NCOA6: variants seen among roughly 807,000 people sequenced by gnomAD.
The protein encoded by NCOA6 is nuclear receptor coactivator 6, also known as NRC RAP250.
Under a neutral mutation model 171.4 loss-of-function variants are expected in NCOA6, and 49 were observed. The ratio of observed to expected loss-of-function variants is 0.29; its 90% CI spans 0.23 to 0.36. The LOEUF (loss-of-function observed/expected upper bound fraction) is 0.36. NCOA6 is among the 10% of genes least tolerant of loss of function. The pLI is 1.00. For synonymous variants in NCOA6, 910 were observed against 927.5 expected (o/e 0.98, Z 0.34); for missense variants, 2,248 against 2,554.5 (o/e 0.88, Z 2.59).
chr20:34,776,157 A>T (rs2077314306), intron 4 of NCOA6, 136 bp downstream of exon 4: 1 of 1,160,148 alleles, frequency 8.6e-7, no homozygotes, highest in Non-Finnish European at 1.2e-6. Flanking sequence ...CTGCAAAGCA[A>T]AGTACAAGTT....
At position 34,782,255 on chromosome 20, in the gene NCOA6, T is replaced by C; in HGVS notation, c.101A>G (p.Asp34Gly). ...SEMDFDSGLEDDDTKSDSILE... is the reference protein window; with the variant it reads ...SEMDFDSGLEGDDTKSDSILE... Reference sequence around the variant, plus strand: ...AATACTATCACTTTTTGTGTCATCATCTTCTAGTCCAGAGTCAAAATCCAT... The same window carrying C: ...AATACTATCACTTTTTGTGTCATCACCTTCTAGTCCAGAGTCAAAATCCAT... Residue 34 changes from aspartate (D) to glycine (G), a missense_variant, in exon 3 of 15, where the codon GAT becomes GGT. Coordinates refer to ENST00000359003, the MANE Select transcript of NCOA6 (RefSeq NM_014071.5). 1.2e-6 allele frequency: 2 copies of C among 1,612,760 alleles called. No homozygotes were observed. The highest frequency in any genetic ancestry group is 8.5e-7 in the Non-Finnish European group (1 of 1,179,310).
At chr20:34,720,150 GA>G (rs1218922058) in intron 14 of NCOA6, among the ~76,000 whole-genome samples, 1 of 152,096 alleles carries the variant, frequency 6.6e-6, no homozygotes, top group African/African-American at 2.4e-5. Flanking sequence ...TTTCCCAGTT[GA>G]AAATATAACA....
intron 1 of NCOA6, among the ~76,000 whole-genome samples, chr20:34,797,519 G>A (rs2078115529): frequency 6.6e-6 from 1 of 152,044 alleles, no homozygotes; most frequent in Non-Finnish European, 1.5e-5. Context: ...GAGACATGCT[G>A]TCTTCAAGCA....
rs1202925874 is a variant in NCOA6 at position 34,818,670 on chromosome 20, T to C, written c.-164+6802A>G. On this transcript the variant is annotated intron_variant, in intron 1 of 14. Coordinates refer to ENST00000359003, the MANE Select transcript of NCOA6 (RefSeq NM_014071.5). ...TACTAACTATTCTTGGCAGCTTCGT[T>C]CACAGACCACCTCTTTCAGGTACCA... Among the ~76,000 whole-genome samples the C allele has an allele frequency of 3.3e-5, 5 of 152,276 alleles. 1 individual carries two copies. The highest frequency in any genetic ancestry group is 3.3e-4 in the Admixed American group (5 of 15,286).
intron 1 of NCOA6, among the ~76,000 whole-genome samples, chr20:34,803,818 T>A (rs989338427): frequency 6.7e-6 from 1 of 149,444 alleles, no homozygotes; most frequent in Non-Finnish European, 1.5e-5. Flanking sequence ...GCCAACATCA[T>A]GAAACCCCGT....
At chr20:34,797,160 T>C (rs1301913071) in intron 1 of NCOA6, among the ~76,000 whole-genome samples, 1 of 152,082 alleles carries the variant, frequency 6.6e-6, no homozygotes, top group Non-Finnish European at 1.5e-5. Context: ...CAAGGAGTAA[T>C]TGTGCCACCT....
intron 2 of NCOA6, among the ~76,000 whole-genome samples, chr20:34,784,606 C>A (rs1049855566): frequency 1.3e-5 from 2 of 151,982 alleles, no homozygotes; most frequent in Admixed American, 1.3e-4. Context: ...CACTGTGAGA[C>A]CTTGTCTCTA....
chr20:34,782,494 TTTAA>T, intron 2 of NCOA6, 90 bp from the exon 3 acceptor site: 1 of 341,396 alleles, frequency 2.9e-6, no homozygotes, highest in Non-Finnish European at 5.2e-6. Flanking sequence ...TTATAATTTA[TTTAA>T]TAAGAAAATA....
intron 2 of NCOA6, among the ~76,000 whole-genome samples, chr20:34,783,569 C>G (rs184014164): frequency 4.6e-5 from 7 of 152,266 alleles, no homozygotes; most frequent in African/African-American, 1.2e-4. Flanking sequence ...ACCTAAGAAC[C>G]TCCCACAAAT....
rs145751574 is a variant in NCOA6, at chr20:34,757,635, G to A, written c.1113C>T (p.His371=). The change falls in exon 7 of 15, where the codon CAC becomes CAT. Residue 371 remains histidine (H), a synonymous_variant. Coordinates refer to ENST00000359003, the MANE Select transcript of NCOA6 (RefSeq NM_014071.5). ...TGCCAAAGGGATATGGAGGGGGAGG[G>A]TGGGAAGGCGTCTGTACCGTGGCTA... The part of the protein sequence containing the change: ...PSLATVQTPS[H]PPPPYPFGSQ... 6.2e-7 allele frequency: 1 copy of A among 1,613,110 alleles called. No homozygotes were observed. Among genetic ancestry groups the A allele is most frequent in the Admixed American group, 1.7e-5 (1 of 60,006 alleles).
chr20:34,745,987 T>A (rs1337193776), intron 10 of NCOA6, among the ~76,000 whole-genome samples: 1 of 152,224 alleles, frequency 6.6e-6, no homozygotes, highest in Non-Finnish European at 1.5e-5. Context: ...ATTATTAACC[T>A]ATGTGGTAGA....
intron 1 of NCOA6, among the ~76,000 whole-genome samples, chr20:34,799,043 C>A (rs1294998375): frequency 1.3e-5 from 2 of 152,078 alleles, no homozygotes; most frequent in Non-Finnish European, 2.9e-5. Context: ...TGTGACCTTT[C>A]AGACAGAGAA....
chr20:34,765,378 TGAGCC>T lies in NCOA6; in HGVS notation c.514+3081_514+3085del, dbSNP rs2076948718. On this transcript the variant is annotated intron_variant, in intron 5 of 14. Coordinates refer to ENST00000359003, the MANE Select transcript of NCOA6 (RefSeq NM_014071.5). ...TGAACCTGGGAGGCAGAGCTTGCAG[TGAGCC>T]GAGCCGAGATCGTGCCACTGCATTC... 3.5e-5 allele frequency among the ~76,000 whole-genome samples: 5 copies of T among 143,328 alleles called. No individual in the cohort carries two copies. In the South Asian group the frequency reaches 1.1e-3, roughly 31 times the overall value. 94.0% of individuals were successfully genotyped at this position (143,328 alleles called of 152,430 possible). A position where few individuals can be genotyped will look rare whatever the true frequency, so the allele number is the denominator to read the frequency against.
intron 1 of NCOA6, among the ~76,000 whole-genome samples, chr20:34,792,786 T>TC (rs1326009836): frequency 6.8e-6 from 1 of 147,944 alleles, no homozygotes; most frequent in Non-Finnish European, 1.5e-5. Flanking sequence ...ATTTTTTTTT[T>TC]TTTTTTTTTT....
chr20:34,727,400 G>T lies in NCOA6; in HGVS notation c.6007C>A (p.Pro2003Thr). Residue 2003 changes from proline to threonine, a missense_variant, in exon 14 of 15, where the codon CCC becomes ACC. Around this residue, in one of 7 missense-constraint regions of NCOA6, gnomAD observed 884 missense variants for 941.9 expected, o/e 0.94. Coordinates refer to ENST00000359003, the MANE Select transcript of NCOA6 (RefSeq NM_014071.5). ...TTGGACTTTTCAACTATCTCTTTGG[G>T]CTCACTGCTGACAGAGGGAAGCAAA... ...AAIVSGQSSE[P>T]KEIVEKSKIP... 6.2e-7 allele frequency: 1 copy of T among 1,613,558 alleles called. No homozygotes were observed. The highest frequency in any genetic ancestry group is 8.5e-7 in the Non-Finnish European group (1 of 1,180,016).
intron 8 of NCOA6, among the ~76,000 whole-genome samples, chr20:34,751,971 C>T (rs2076502861): frequency 6.6e-6 from 1 of 152,268 alleles, no homozygotes; most frequent in African/African-American, 2.4e-5. Context: ...GATTTTCATG[C>T]CTCAGCCTCC....
intron 1 of NCOA6, among the ~76,000 whole-genome samples, chr20:34,804,313 G>T (rs955143688): frequency 6.6e-6 from 1 of 151,908 alleles, no homozygotes; most frequent in Non-Finnish European, 1.5e-5. Context: ...CTCCAGCCTG[G>T]GTGACAGAGG....
intron 14 of NCOA6, among the ~76,000 whole-genome samples, chr20:34,717,597 A>G (rs1400019566): frequency 2.0e-5 from 3 of 152,158 alleles, no homozygotes; most frequent in Non-Finnish European, 4.4e-5. Flanking sequence ...GCCATGTGGT[A>G]GAATCAGTCT....
Position 34,727,247 on chromosome 20 carries a change from C to A in NCOA6, c.6148+12G>T, listed in dbSNP as rs1353363594. 1.2e-6 allele frequency: 2 copies of A among 1,613,100 alleles called. No homozygotes were observed. The highest frequency in any genetic ancestry group is 3.3e-5 in the Admixed American group (2 of 59,940). The stretch of plus-strand genomic sequence containing the variant: ...TTTGACCCACAAATAGCACCCACAT[C>A]CCACTGCTAACCTTTAGTAGAGCTG... On this transcript the variant is annotated intron_variant, in intron 14 of 14. Coordinates refer to ENST00000359003, the MANE Select transcript of NCOA6 (RefSeq NM_014071.5).
Sources: allele counts gnomAD v4.1 joint callset (sites outside exome capture counted in the v4.1 genomes callset), GRCh38; gene constraint gnomAD v4.1.1; regional missense constraint gnomAD v4.1.1; transcripts MANE v1.5; gene names NCBI Gene and HGNC (gene_info 2026-07-23, HGNC 2026-07-21).